STK32C: variants seen among roughly 807,000 people sequenced by gnomAD.
The protein encoded by STK32C is serine/threonine kinase 32C, also known as serine/threonine-protein kinase 32C.
STK32C carries 31 observed loss-of-function variants against 56.5 expected under a neutral mutation model. The ratio of observed to expected loss-of-function variants is 0.55; its 90% confidence interval spans 0.41 to 0.74. The LOEUF (loss-of-function observed/expected upper bound fraction) is 0.74, where lower values mean the gene tolerates loss of function less well. STK32C is among the 30% of genes least tolerant of loss of function. The pLI is 0.00. For missense variants in STK32C, 544 were observed against 676.9 expected (o/e 0.80, Z 2.18); for synonymous variants, 309 against 289.4 (o/e 1.07, Z -0.69).
At chr10:132,232,507 G>A (rs138753011) in intron 2 of STK32C, among the ~76,000 whole-genome samples, 9 of 152,206 alleles carry the variant, frequency 5.9e-5, no homozygotes, top group Admixed American at 2.0e-4. Context: ...ACTGGAAACC[G>A]GCGGCCTTTT....
intron 1 of STK32C, among the ~76,000 whole-genome samples, chr10:132,276,648 A>G (rs1257435265): frequency 6.6e-6 from 1 of 152,128 alleles, no homozygotes; most frequent in East Asian, 1.9e-4. Context: ...TTAGCTGGAC[A>G]TGATGGCACA....
intron 1 of STK32C, among the ~76,000 whole-genome samples, chr10:132,257,361 C>T (rs755799829): frequency 7.3e-5 from 10 of 137,288 alleles, no homozygotes; most frequent in East Asian, 2.0e-4. Flanking sequence ...CAGAGGGAGA[C>T]GGAGGGGCTC....
chr10:132,225,828 T>C (rs758767447), intron 4 of STK32C, 44 bp from the exon 5 acceptor site: 4 of 1,612,200 alleles, frequency 2.5e-6, no homozygotes, highest in South Asian at 1.1e-5. Context: ...GAATCTGCCC[T>C]GTTTCTGCCC....
At chr10:132,330,982 C>T (rs868717367) in intron 1 of STK32C, among the ~76,000 whole-genome samples, 15 of 151,032 alleles carry the variant, frequency 9.9e-5, no homozygotes, top group African/African-American at 3.6e-4. Context: ...GGGGGCGGAT[C>T]ATGAGGTCAG....
chr10:132,321,681 A>G (rs1398416971), downstream of STK32C, among the ~76,000 whole-genome samples: 2 of 152,166 alleles, frequency 1.3e-5, no homozygotes, highest in Non-Finnish European at 2.9e-5. Flanking sequence ...AATACAAAAA[A>G]TTAGCCGGGT....
intron 1 of STK32C, among the ~76,000 whole-genome samples, chr10:132,271,383 T>C (rs1483892168): frequency 1.3e-5 from 2 of 152,170 alleles, no homozygotes; most frequent in Admixed American, 6.5e-5. Context: ...AAGAATAGCA[T>C]GGAGGGTCAG....
chr10:132,292,879 T>C (rs1027836026), intron 1 of STK32C, among the ~76,000 whole-genome samples: 2 of 151,950 alleles, frequency 1.3e-5, no homozygotes, highest in East Asian at 1.9e-4. Context: ...GACGACCCGC[T>C]GCCGGTCCCT....
intron 1 of STK32C, among the ~76,000 whole-genome samples, chr10:132,264,089 G>A (rs1471435783): frequency 1.3e-5 from 2 of 152,084 alleles, no homozygotes; most frequent in East Asian, 3.9e-4. Flanking sequence ...GCAGGCGGTG[G>A]CGACGGATGT....
At chr10:132,234,213 G>A (rs1221241486) in intron 2 of STK32C, among the ~76,000 whole-genome samples, 13 of 152,114 alleles carry the variant, frequency 8.5e-5, no homozygotes, top group Non-Finnish European at 1.5e-4. Context: ...TGCATAATCC[G>A]TGATCCATCT....
At chr10:132,288,167 G>C (rs2065464290) in intron 1 of STK32C, among the ~76,000 whole-genome samples, 1 of 152,106 alleles carries the variant, frequency 6.6e-6, no homozygotes, top group South Asian at 2.1e-4. Flanking sequence ...AAGGAGAAGA[G>C]TGAGGGAGGG....
chr10:132,318,792 G>A (rs1338111925), intron 1 of STK32C, among the ~76,000 whole-genome samples: 1 of 151,370 alleles, frequency 6.6e-6, no homozygotes, highest in East Asian at 1.9e-4. Context: ...GCCAACTGTT[G>A]CTACCTCTGA....
intron 1 of STK32C, among the ~76,000 whole-genome samples, chr10:132,272,108 G>T (rs1026570043): frequency 6.6e-6 from 1 of 152,230 alleles, no homozygotes; most frequent in Non-Finnish European, 1.5e-5. Context: ...CTAAGCTGAG[G>T]CCCTGACCCC....
At chr10:132,211,220 C>T (rs541350952) in intron 10 of STK32C, among the ~76,000 whole-genome samples, 4 of 152,248 alleles carry the variant, frequency 2.6e-5, no homozygotes, top group South Asian at 2.1e-4. Flanking sequence ...TCTGCAAACT[C>T]GGGCCGGCCT....
chr10:132,297,960 G>C (rs1184208288), intron 1 of STK32C, among the ~76,000 whole-genome samples: 1 of 152,246 alleles, frequency 6.6e-6, no homozygotes, highest in Non-Finnish European at 1.5e-5. Context: ...TGTGTCTCCT[G>C]GGGTCTTGGT....
upstream of STK32C, chr10:132,331,937 C>G: frequency 1.7e-6 from 1 of 591,164 alleles, no homozygotes; most frequent in Middle Eastern, 4.6e-4. Flanking sequence ...GCAAGCGCAA[C>G]CCCCCGCCCC....
At chr10:132,299,119 T>C (rs112760788) in intron 1 of STK32C, among the ~76,000 whole-genome samples, 6,811 of 125,906 alleles carry the variant, frequency 0.054, 304 homozygotes, top group East Asian at 0.24. Context: ...CAGCCAACAG[T>C]GGACTGAGAC....
At chr10:132,242,482 G>C (rs763207654) in intron 2 of STK32C, among the ~76,000 whole-genome samples, 2 of 152,114 alleles carry the variant, frequency 1.3e-5, no homozygotes, top group Admixed American at 6.5e-5. Context: ...CACTCCAAGA[G>C]GAACTGCCAG....
intron 2 of STK32C, among the ~76,000 whole-genome samples, chr10:132,245,457 G>A (rs552316876): frequency 2.4e-4 from 37 of 152,344 alleles, no homozygotes; most frequent in East Asian, 3.9e-4. Context: ...CGTCCAGGCC[G>A]GCAAACAGGC....
intron 2 of STK32C, among the ~76,000 whole-genome samples, chr10:132,243,802 ACT>A (rs200057335): frequency 0.018 from 2,725 of 152,144 alleles, 88 homozygotes; most frequent in African/African-American, 0.06. Context: ...ACCCGGTCAG[ACT>A]CTAAATGCTG....
Sources: gnomAD v4.1 joint callset for allele counts (sites outside exome capture counted in the v4.1 genomes callset) on GRCh38, gnomAD v4.1.1 for gene constraint, MANE v1.5 for transcripts, NCBI Gene and HGNC (gene_info 2026-07-23, HGNC 2026-07-21) for gene names.